AKAP6: variants seen among roughly 807,000 people sequenced by gnomAD.
AKAP6 encodes the protein A-kinase anchoring protein 6, also known as A-kinase anchor protein 6.
A neutral mutation model predicts 188.5 loss-of-function variants in AKAP6; 58 were observed. That is an observed-to-expected ratio of 0.31 (90% CI 0.25 to 0.38). The LOEUF is 0.38. Ranked by LOEUF, AKAP6 falls within the 10% of genes least tolerant of loss-of-function variation. AKAP6 has a pLI of 1.00. For missense variants in AKAP6, 2,710 were observed against 2,740.0 expected (o/e 0.99, Z 0.24); for synonymous variants, 989 against 998.6 (o/e 0.99, Z 0.18).
At chr14:32,695,193 G>GT (rs1223880803) in intron 8 of AKAP6, among the ~76,000 whole-genome samples, 3 of 152,132 alleles carry the variant, frequency 2.0e-5, no homozygotes, top group Non-Finnish European at 2.9e-5. Context: ...AAGATTCATT[G>GT]TTTTGACTTC....
At chr14:32,491,555 G>A (rs890201302) in intron 2 of AKAP6, among the ~76,000 whole-genome samples, 6 of 152,152 alleles carry the variant, frequency 3.9e-5, no homozygotes, top group African/African-American at 1.4e-4. Context: ...TGTGATGTGG[G>A]ATACTCAGAA....
At chr14:32,634,964 G>A (rs772193387) in intron 7 of AKAP6, among the ~76,000 whole-genome samples, 3 of 151,644 alleles carry the variant, frequency 2.0e-5, no homozygotes, top group Admixed American at 1.3e-4. Flanking sequence ...GTTCTTTAGC[G>A]GCGCTTTCTG....
At chr14:32,721,589 G>T (rs1449493079) in intron 9 of AKAP6, among the ~76,000 whole-genome samples, 1 of 152,172 alleles carries the variant, frequency 6.6e-6, no homozygotes, top group African/African-American at 2.4e-5. Context: ...AGAATTTTCA[G>T]TTAACCCTGC....
Position 32,545,376 on chromosome 14 carries a change from T to C in AKAP6, c.723T>C (p.Gly241=). ...GTGAGGATTTGCTCAGTGGGCTAGG[T>C]GACATGACCTCTAGCCAAGTCAAAA... is the stretch of plus-strand genomic sequence containing the variant. The part of the protein sequence containing the change: ...SPSEDLLSGL[G]DMTSSQVKTK... Residue 241 remains glycine, a synonymous_variant, in exon 4 of 14, where the codon GGT becomes GGC. Transcript: ENST00000280979. 2 of 1,614,210 alleles carry C rather than the reference T, an allele frequency of 1.2e-6. No individual in the cohort carries two copies. The highest frequency in any genetic ancestry group is 1.7e-6 in the Non-Finnish European group (2 of 1,180,024).
intron 11 of AKAP6, among the ~76,000 whole-genome samples, chr14:32,766,222 T>C (rs2139965536): frequency 6.6e-6 from 1 of 152,318 alleles, no homozygotes; most frequent in African/African-American, 2.4e-5. Flanking sequence ...AATATTACAT[T>C]ATATGTATTT....
chr14:32,443,114 G>A (rs1015584053), intron 2 of AKAP6, among the ~76,000 whole-genome samples: 7 of 152,148 alleles, frequency 4.6e-5, no homozygotes, highest in South Asian at 2.1e-4. Context: ...CCCATTGTCC[G>A]GCCAGGCGTG....
intron 7 of AKAP6, among the ~76,000 whole-genome samples, chr14:32,671,614 T>C (rs1454951185): frequency 6.6e-6 from 1 of 151,924 alleles, no homozygotes; most frequent in Non-Finnish European, 1.5e-5. Flanking sequence ...GGGGTGATCA[T>C]CTTTGTGTAG....
chr14:32,605,697 C>A (rs888591274), intron 7 of AKAP6, among the ~76,000 whole-genome samples: 2 of 152,178 alleles, frequency 1.3e-5, no homozygotes, highest in African/African-American at 4.8e-5. Flanking sequence ...TATGTCAGTC[C>A]TCTTTCCATG....
At chr14:32,514,362 A>G (rs549728241) in intron 2 of AKAP6, among the ~76,000 whole-genome samples, 2 of 152,310 alleles carry the variant, frequency 1.3e-5, no homozygotes, top group African/African-American at 4.8e-5. Flanking sequence ...TGCTGTGGAT[A>G]TTTATTTATG....
intron 12 of AKAP6, among the ~76,000 whole-genome samples, chr14:32,807,644 A>C (rs950127304): frequency 6.6e-6 from 1 of 152,112 alleles, no homozygotes; most frequent in Non-Finnish European, 1.5e-5. Flanking sequence ...CTTCTTGTGT[A>C]TCTCACCTAT....
intron 2 of AKAP6, among the ~76,000 whole-genome samples, chr14:32,485,249 T>A (rs1043304488): frequency 6.6e-6 from 1 of 150,802 alleles, no homozygotes; most frequent in Non-Finnish European, 1.5e-5. Context: ...TCTTTGCTAT[T>A]GTGAATAGTG....
At chr14:32,696,239 C>T (rs184200844) in intron 9 of AKAP6, 129 bp downstream of exon 9, 510 of 1,225,478 alleles carry the variant, frequency 4.2e-4, no homozygotes, top group Admixed American at 8.0e-4. Context: ...ATTCCCTTCC[C>T]TGTCCCCAAA....
At chr14:32,755,068 C>A (rs2139921807) in intron 11 of AKAP6, among the ~76,000 whole-genome samples, 1 of 152,324 alleles carries the variant, frequency 6.6e-6, no homozygotes, top group East Asian at 1.9e-4. Flanking sequence ...TTTTCTCTCA[C>A]TGTTTCTTTA....
intron 4 of AKAP6, among the ~76,000 whole-genome samples, chr14:32,556,818 A>G (rs1883708635): frequency 6.6e-6 from 1 of 152,008 alleles, no homozygotes. Context: ...ATAACCGAGA[A>G]TTCACTGCCA....
intron 3 of AKAP6, among the ~76,000 whole-genome samples, chr14:32,543,127 A>G (rs186860089): frequency 1.3e-3 from 203 of 152,308 alleles, no homozygotes; most frequent in African/African-American, 4.7e-3. Flanking sequence ...TGACCCTGCT[A>G]TAGAAACCAG....
intron 1 of AKAP6, among the ~76,000 whole-genome samples, chr14:32,359,126 C>A (rs551237790): frequency 6.6e-5 from 10 of 152,124 alleles, no homozygotes; most frequent in Non-Finnish European, 1.5e-4. Flanking sequence ...AAAAGAGAGA[C>A]GCATAACAAC....
rs1168127601 is a variant in AKAP6, at chr14:32,834,753, C to A, written c.*4948C>A. The A allele has an allele frequency of 6.6e-6, 1 of 151,970 alleles. No individual in the cohort carries two copies. The highest frequency in any genetic ancestry group is 1.9e-4 in the East Asian group (1 of 5,174). The allele number at this position is 151,970 out of a possible 1,614,324, so 9.4% of individuals were successfully genotyped here. ...AGGTGACTTTGCATTCACAGCCACT[C>A]TTTAATGAAGATTGATTGAATAACT... is the stretch of plus-strand genomic sequence containing the variant. On this transcript the variant is annotated 3_prime_UTR_variant, in exon 14 of 14. Transcript: ENST00000280979.
chr14:32,746,045 G>C (rs905093201), intron 11 of AKAP6, among the ~76,000 whole-genome samples: 1 of 152,088 alleles, frequency 6.6e-6, no homozygotes, highest in African/African-American at 2.4e-5. Flanking sequence ...TGCCTGGCCT[G>C]GGACTCACCT....
At chr14:32,380,695 T>G (rs1888325787) in intron 1 of AKAP6, among the ~76,000 whole-genome samples, 1 of 152,168 alleles carries the variant, frequency 6.6e-6, no homozygotes, top group African/African-American at 2.4e-5. Context: ...GTGCTGGTCC[T>G]TATTGATTTC....
Sources: gnomAD v4.1 joint callset for allele counts (sites outside exome capture counted in the v4.1 genomes callset) on GRCh38, gnomAD v4.1.1 for gene constraint, MANE v1.5 for transcripts, NCBI Gene and HGNC (gene_info 2026-07-23, HGNC 2026-07-21) for gene names.